The following FAM184B variants were observed in gnomAD, a reference collection of about 807,000 sequenced individuals.
The protein encoded by FAM184B is protein FAM184B.
FAM184B carries 111 observed loss-of-function variants against 135.9 expected under a neutral mutation model. That is an observed-to-expected ratio of 0.82 (90% CI 0.70 to 0.96). The LOEUF (loss-of-function observed/expected upper bound fraction) is 0.96. FAM184B is among the 40% of genes least tolerant of loss of function. The probability of loss-of-function intolerance (pLI) is 0.00; values close to 1 mark genes in which losing one functional copy is unlikely to be tolerated. For missense variants in FAM184B, 1,375 were observed against 1,323.9 expected (o/e 1.04, Z -0.60); for synonymous variants, 552 against 524.8 (o/e 1.05, Z -0.71).
chr4:17,667,659 G>A (rs1458863785), intron 7 of FAM184B, among the ~76,000 whole-genome samples: 4 of 152,260 alleles, frequency 2.6e-5, no homozygotes, highest in South Asian at 2.1e-4. Context: ...GGGTGGATAT[G>A]TTCTGAGTTA....
At chr4:17,653,886 GA>G (rs993382222) in intron 10 of FAM184B, among the ~76,000 whole-genome samples, 2 of 35,174 alleles carry the variant, frequency 5.7e-5, no homozygotes, top group Non-Finnish European at 2.1e-4. Flanking sequence ...GGCTCAGTGA[GA>G]AAAGAGTTGA....
chr4:17,718,790 T>C (rs1180597286), intron 1 of FAM184B, among the ~76,000 whole-genome samples: 1 of 152,198 alleles, frequency 6.6e-6, no homozygotes, highest in Non-Finnish European at 1.5e-5. Flanking sequence ...TGCAACTGGC[T>C]CAGCCAAACC....
chr4:17,630,395 C>T lies in FAM184B; in HGVS notation c.*2137G>A, dbSNP rs1047671711. 6.6e-6 allele frequency: 1 copy of T among 152,134 alleles called. No individual in the cohort carries two copies. Among genetic ancestry groups the T allele is most frequent in the African/African-American group, 2.4e-5 (1 of 41,428 alleles). The allele number at this position is 152,134 out of a possible 1,614,324, so 9.4% of individuals were successfully genotyped here. A position where few individuals can be genotyped will look rare whatever the true frequency, so the allele number is the denominator to read the frequency against. On this transcript the variant is annotated 3_prime_UTR_variant, in exon 18 of 18. Coordinates refer to ENST00000265018, the MANE Select transcript of FAM184B (RefSeq NM_015688.2). ...CTCATGAGTAGGATAAGTACCCTTA[C>T]AAAAGAGGCTCAGGGAGGCGCTCTT...
intron 1 of FAM184B, among the ~76,000 whole-genome samples, chr4:17,766,684 C>T (rs1357155286): frequency 6.6e-6 from 1 of 152,256 alleles, no homozygotes; most frequent in East Asian, 1.9e-4. Context: ...TATTTACAAT[C>T]CCTTCGCTAG....
chr4:17,781,414 A>G lies in FAM184B; in HGVS notation c.-115T>C. The G allele has an allele frequency of 7.8e-7, 1 of 1,283,528 alleles. No homozygotes were observed. The highest frequency in any genetic ancestry group is 1.0e-6 in the Non-Finnish European group (1 of 985,730). The allele number at this position is 1,283,528 out of a possible 1,614,324, so 79.5% of individuals were successfully genotyped here. On this transcript the variant is annotated 5_prime_UTR_variant, in exon 1 of 18. Transcript: ENST00000265018. This position sits in a 1 kb window ranked among gnomAD's most constrained non-coding sequence, Gnocchi z 6.5. ...GGTTTCTCGGGAGAGGTGGCACTGC[A>G]GTCCCGTCGCCTGCACCGCCGCGTG... is the stretch of plus-strand genomic sequence containing the variant.
At chr4:17,661,033 G>C (rs572373689) in intron 8 of FAM184B, among the ~76,000 whole-genome samples, 9 of 152,134 alleles carry the variant, frequency 5.9e-5, no homozygotes, top group Non-Finnish European at 8.8e-5. Flanking sequence ...AAGCAGCATA[G>C]GAAGGTGGCC....
At chr4:17,657,715 G>A (rs1190793473) in intron 10 of FAM184B, among the ~76,000 whole-genome samples, 1 of 132,190 alleles carries the variant, frequency 7.6e-6, no homozygotes, top group Non-Finnish European at 1.5e-5. Context: ...GGAATGCAAT[G>A]GCATAGTCTT....
chr4:17,758,723 A>G (rs1411269432), intron 1 of FAM184B, among the ~76,000 whole-genome samples: 1 of 152,228 alleles, frequency 6.6e-6, no homozygotes, highest in Non-Finnish European at 1.5e-5. Context: ...CGAGAGCCTG[A>G]ATGACAGCTG....
chr4:17,704,842 T>C (rs1391747977), intron 5 of FAM184B, among the ~76,000 whole-genome samples, 158 bp downstream of exon 5: 1 of 152,216 alleles, frequency 6.6e-6, no homozygotes, highest in East Asian at 1.9e-4. Context: ...ATCATAACTG[T>C]ATGTTTCATC....
At chr4:17,699,188 C>T (rs945316556) in intron 5 of FAM184B, among the ~76,000 whole-genome samples, 1 of 95,592 alleles carries the variant, frequency 1.0e-5, no homozygotes, top group Non-Finnish European at 2.3e-5. Context: ...CTTGAAGATA[C>T]AGCAAGAGAA....
In FAM184B at chr4:17,739,555, G is replaced by GTTT. The variant is rs397992408; in HGVS notation, c.142-29914_142-29912dup. Among the ~76,000 whole-genome samples, 235 of 62,516 alleles carry GTTT rather than the reference G, an allele frequency of 3.8e-3. 35 individuals carry two copies. Among genetic ancestry groups the GTTT allele is most frequent in the African/African-American group, 0.013 (213 of 16,262 alleles). 41.0% of individuals were successfully genotyped at this position (62,516 alleles called of 152,430 possible). On this transcript the variant is annotated intron_variant, in intron 1 of 17. Coordinates refer to ENST00000265018, the MANE Select transcript of FAM184B (RefSeq NM_015688.2). ...CCCTACACCATATGTCATACCAACT[G>GTTT]TTTTTTTTTTTTTTTTGAGATGGGG...
chr4:17,772,780 C>G (rs1718846629), intron 1 of FAM184B, among the ~76,000 whole-genome samples: 1 of 152,186 alleles, frequency 6.6e-6, no homozygotes, highest in African/African-American at 2.4e-5. Context: ...AGCTGAATTC[C>G]TGATGCTTAT....
At position 17,709,481 on chromosome 4, in the gene FAM184B, T is replaced by A; in HGVS notation, c.305A>T (p.Gln102Leu). The change falls in exon 2 of 18, where the codon CAG (glutamine) becomes CTG (leucine). Residue 102 changes from glutamine to leucine, a missense_variant. Transcript: ENST00000265018. ...AEEEALLQRI[Q>L]ALESALELQK... Reference sequence around the variant, plus strand: ...CAGCTCCAGGGCGCTCTCCAGGGCCTGGATGCGCTGTAGAAGGGCTTCCTC... The same window carrying A: ...CAGCTCCAGGGCGCTCTCCAGGGCCAGGATGCGCTGTAGAAGGGCTTCCTC... The A allele has an allele frequency of 6.5e-7, 1 of 1,546,912 alleles. No homozygotes were observed. The highest frequency in any genetic ancestry group is 1.2e-5 in the South Asian group (1 of 83,600).
At position 17,705,906 on chromosome 4, in the gene FAM184B, T is replaced by C. The variant is rs896743235; in HGVS notation, c.1031-15A>G. On this transcript the variant is annotated splice_polypyrimidine_tract_variant and intron_variant, in intron 3 of 17. Coordinates refer to ENST00000265018, the MANE Select transcript of FAM184B (RefSeq NM_015688.2). ...CTTCATGGCATCTGCAAGCATACAT[T>C]TCAGCATTATTTGGAATGCTCTTGG... 5 of 1,552,000 alleles carry C rather than the reference T, an allele frequency of 3.2e-6. No homozygotes were observed. The African/African-American group carries it at 5.5e-5, about 17-fold the overall frequency.
Position 17,630,195 on chromosome 4 carries a change from C to T in FAM184B, c.*2337G>A, listed in dbSNP as rs1242471782. On this transcript the variant is annotated 3_prime_UTR_variant, in exon 18 of 18. Coordinates refer to ENST00000265018, the MANE Select transcript of FAM184B (RefSeq NM_015688.2). ...AGTGTTTCAACACACAAAAATAGAA[C>T]CACCTGTATGTAGTCTTTTTGAAAG... 3.9e-5 allele frequency: 6 copies of T among 152,118 alleles called. No homozygotes were observed. Among genetic ancestry groups the T allele is most frequent in the Admixed American group, 3.9e-4 (6 of 15,268 alleles). The allele number at this position is 152,118 out of a possible 1,614,324, so 9.4% of individuals were successfully genotyped here.
rs185333377 is a variant in FAM184B at position 17,688,882 on chromosome 4, G to T, written c.1489-351C>A. Reference sequence around the variant, plus strand: ...AATTTTTTGTATTTTTAGTAGAAACGGGGTTTCACCATGTTGCCCAGCCTG... The same window carrying T: ...AATTTTTTGTATTTTTAGTAGAAACTGGGTTTCACCATGTTGCCCAGCCTG... On this transcript the variant is annotated intron_variant, in intron 6 of 17. Transcript: ENST00000265018. Among the ~76,000 whole-genome samples, 53 of 151,900 alleles carry T rather than the reference G, an allele frequency of 3.5e-4. No individual in the cohort carries two copies. In the East Asian group the frequency reaches 0.01, roughly 29 times the overall value.
chr4:17,702,852 G>A (rs933185800), intron 5 of FAM184B, among the ~76,000 whole-genome samples: 7 of 152,146 alleles, frequency 4.6e-5, no homozygotes, highest in African/African-American at 1.4e-4. Flanking sequence ...GCTTGTGGCC[G>A]GGGATGGAAA....
intron 1 of FAM184B, among the ~76,000 whole-genome samples, chr4:17,747,692 C>G (rs1040514967): frequency 1.3e-5 from 2 of 151,660 alleles, no homozygotes; most frequent in Non-Finnish European, 2.9e-5. Context: ...GAGGCCGAGG[C>G]GGGCGGATCA....
intron 1 of FAM184B, among the ~76,000 whole-genome samples, chr4:17,735,330 A>G (rs1045711875): frequency 2.0e-5 from 3 of 152,192 alleles, no homozygotes; most frequent in African/African-American, 7.2e-5. Context: ...TTAAAGTATA[A>G]TAATAATGAA....
Sources: gnomAD v4.1 joint callset for allele counts (sites outside exome capture counted in the v4.1 genomes callset) on GRCh38, gnomAD v4.1.1 for gene constraint, Gnocchi (gnomAD v3.1) non-coding constraint, MANE v1.5 for transcripts, NCBI Gene and HGNC (gene_info 2026-07-23, HGNC 2026-07-21) for gene names.